MRRF: variants seen among roughly 807,000 people sequenced by gnomAD.
The protein encoded by MRRF is mitochondrial ribosome recycling factor.
In MRRF, 18 loss-of-function variants were observed where a neutral mutation model predicts 25.1. The observed-to-expected ratio is 0.72, with a 90% CI of 0.50 to 1.06. MRRF has a LOEUF of 1.06. MRRF is among the 50% of genes least tolerant of loss of function. The pLI is 0.00. For synonymous variants in MRRF, 113 were observed against 112.1 expected (o/e 1.01, Z -0.05); for missense variants, 323 against 319.3 (o/e 1.01, Z -0.09).
intron 2 of MRRF, among the ~76,000 whole-genome samples, chr9:122,275,971 G>T (rs1019898495): frequency 9.9e-5 from 15 of 151,506 alleles, no homozygotes; most frequent in African/African-American, 3.6e-4. Flanking sequence ...GCAGTGGCAT[G>T]ATCTCAGCTC....
chr9:122,310,892 T>C (rs531342556), intron 5 of MRRF, among the ~76,000 whole-genome samples: 2 of 152,290 alleles, frequency 1.3e-5, no homozygotes, highest in South Asian at 4.1e-4. Flanking sequence ...AGAATGAAAA[T>C]ATTTCCATAA....
intron 4 of MRRF, chr9:122,285,963 C>G: frequency 1.5e-6 from 2 of 1,303,966 alleles, no homozygotes; most frequent in South Asian, 1.2e-5. Context: ...TGTATTAGGT[C>G]ATTGCATCTT....
intron 3 of MRRF, among the ~76,000 whole-genome samples, chr9:122,282,416 T>C (rs1833139608): frequency 6.6e-6 from 1 of 152,168 alleles, no homozygotes; most frequent in Admixed American, 6.5e-5. Context: ...AGAGAGAAAA[T>C]ATATTGTCCC....
At chr9:122,266,677 T>A (rs1319427234) in intron 1 of MRRF, among the ~76,000 whole-genome samples, 4 of 152,184 alleles carry the variant, frequency 2.6e-5, no homozygotes, top group Admixed American at 2.6e-4. Context: ...GCTGGGACAG[T>A]AGATAAGCCA....
chr9:122,267,786 C>T (rs1408846682), intron 1 of MRRF, among the ~76,000 whole-genome samples: 1 of 152,184 alleles, frequency 6.6e-6, no homozygotes, highest in Non-Finnish European at 1.5e-5. Context: ...GCATAAACCA[C>T]TTAGAATAGT....
chr9:122,270,776 G>C, intron 1 of MRRF, 88 bp from the exon 2 acceptor site: 1 of 964,316 alleles, frequency 1.0e-6, no homozygotes, highest in Admixed American at 1.7e-5. Flanking sequence ...TATAGGAGTT[G>C]CTTGATAATT....
chr9:122,282,089 G>A (rs907894335), intron 3 of MRRF, among the ~76,000 whole-genome samples: 5 of 152,076 alleles, frequency 3.3e-5, no homozygotes, highest in Non-Finnish European at 4.4e-5. Context: ...TTTGTTTAAC[G>A]TTCTGTATAG....
At chr9:122,276,171 C>A (rs898429288) in intron 2 of MRRF, among the ~76,000 whole-genome samples, 1 of 152,102 alleles carries the variant, frequency 6.6e-6, no homozygotes, top group African/African-American at 2.4e-5. Flanking sequence ...ACCTTGGGCT[C>A]CCAAAGTGCT....
chr9:122,277,049 T>C (rs1182200822), intron 2 of MRRF, among the ~76,000 whole-genome samples: 3 of 152,032 alleles, frequency 2.0e-5, no homozygotes, highest in African/African-American at 7.2e-5. Flanking sequence ...TTGTAGGGAC[T>C]GGGTTTTGCA....
chr9:122,268,244 G>A (rs1038711627), intron 1 of MRRF, among the ~76,000 whole-genome samples: 11 of 152,156 alleles, frequency 7.2e-5, no homozygotes, highest in Non-Finnish European at 1.0e-4. Flanking sequence ...TCCGGTTCAC[G>A]TGTACTGGGT....
chr9:122,314,315 A>G (rs2118975117), intron 6 of MRRF, among the ~76,000 whole-genome samples: 1 of 152,214 alleles, frequency 6.6e-6, no homozygotes, highest in Admixed American at 6.5e-5. Context: ...GCCTCTTTTC[A>G]TGGTAACAGC....
chr9:122,286,463 G>A (rs1833415679), intron 4 of MRRF, among the ~76,000 whole-genome samples: 1 of 152,152 alleles, frequency 6.6e-6, no homozygotes, highest in Non-Finnish European at 1.5e-5. Context: ...CCAGCACTTT[G>A]GGAGGTTAAG....
At chr9:122,266,597 G>A (rs1239610883) in intron 1 of MRRF, among the ~76,000 whole-genome samples, 1 of 152,210 alleles carries the variant, frequency 6.6e-6, no homozygotes, top group African/African-American at 2.4e-5. Flanking sequence ...ATATGCAAGA[G>A]CCTGCGTATA....
intron 5 of MRRF, among the ~76,000 whole-genome samples, chr9:122,296,094 C>G (rs1008809001): frequency 1.3e-5 from 2 of 152,028 alleles, no homozygotes; most frequent in African/African-American, 4.8e-5. Context: ...TCATCAAGAC[C>G]TCTTTTTACA....
intron 4 of MRRF, among the ~76,000 whole-genome samples, chr9:122,289,237 A>G (rs1341708582): frequency 6.6e-6 from 1 of 152,250 alleles, no homozygotes; most frequent in Non-Finnish European, 1.5e-5. Flanking sequence ...CCATTTATAC[A>G]TGAGGTAAAG....
At chr9:122,292,841 C>T (rs10513395) in intron 5 of MRRF, among the ~76,000 whole-genome samples, 5,102 of 152,262 alleles carry the variant, frequency 0.034, 217 homozygotes, top group African/African-American at 0.094. Flanking sequence ...TCCGATTCCA[C>T]AGCAAAAGAT....
At chr9:122,279,175 A>G (rs1832953701) in intron 2 of MRRF, among the ~76,000 whole-genome samples, 2 of 152,180 alleles carry the variant, frequency 1.3e-5, no homozygotes, top group South Asian at 4.1e-4. Flanking sequence ...CCAGCCCCAC[A>G]TCTTCTATCA....
intron 5 of MRRF, among the ~76,000 whole-genome samples, chr9:122,309,130 CAT>C (rs1355526485): frequency 2.0e-5 from 3 of 152,168 alleles, no homozygotes; most frequent in Non-Finnish European, 4.4e-5. Flanking sequence ...TAAGTGGAAT[CAT>C]ACAATATGTG....
chr9:122,305,645 A>T (rs563310779), intron 5 of MRRF, among the ~76,000 whole-genome samples: 1 of 152,210 alleles, frequency 6.6e-6, no homozygotes, highest in Non-Finnish European at 1.5e-5. Context: ...CACTGGGGTC[A>T]GGTGGCTGGG....
Sources: allele counts gnomAD v4.1 joint callset (sites outside exome capture counted in the v4.1 genomes callset), GRCh38; gene constraint gnomAD v4.1.1; transcripts MANE v1.5; gene names NCBI Gene and HGNC (gene_info 2026-07-23, HGNC 2026-07-21).